Variants in RORB observed in about 807,000 individuals in gnomAD.
RORB encodes RAR related orphan receptor B.
Under a neutral mutation model 59.1 loss-of-function variants are expected in RORB, and 6 were observed. The ratio of observed to expected loss-of-function variants is 0.10; its 90% CI spans 0.06 to 0.20. RORB has a LOEUF of 0.20. Among genes scored for constraint, RORB ranks in the 10% least tolerant of loss-of-function variants. The probability of loss-of-function intolerance (pLI) is 1.00; values close to 1 mark genes in which losing one functional copy is unlikely to be tolerated. For synonymous variants in RORB, 215 were observed against 204.5 expected, an observed-to-expected ratio of 1.05 and a Z score of -0.44; for missense variants, 320 against 560.5, an observed-to-expected ratio of 0.57 and a Z score of 4.33.
At chr9:74,530,898 G>GGT (rs1398034334) in intron 1 of RORB, among the ~76,000 whole-genome samples, 1 of 151,096 alleles carries the variant, frequency 6.6e-6, no homozygotes, top group Non-Finnish European at 1.5e-5. Flanking sequence ...GACAGGCCCC[G>GGT]GTGTGTGATG....
intron 1 of RORB, among the ~76,000 whole-genome samples, chr9:74,513,566 G>T (rs1017688876): frequency 6.6e-6 from 1 of 151,914 alleles, no homozygotes; most frequent in African/African-American, 2.4e-5. Context: ...GAAAAAAATG[G>T]TTAAGTCTAA....
Position 74,687,768 on chromosome 9 carries a change from G to A in RORB, c.*2150G>A, listed in dbSNP as rs982994945. ...CTTCTAATGGAAAGATTACTCTACT[G>A]ATTGCTAGGAAAACAGGGTAATGGA... On this transcript the variant is annotated 3_prime_UTR_variant, in exon 10 of 10. Transcript: ENST00000376896. The A allele has an allele frequency of 2.0e-5, 3 of 152,148 alleles. No individual in the cohort carries two copies. The highest frequency in any genetic ancestry group is 2.9e-5 in the Non-Finnish European group (2 of 68,030). The allele number at this position is 152,148 out of a possible 1,614,324, so 9.4% of individuals were successfully genotyped here. A position where few individuals can be genotyped will look rare whatever the true frequency, so the allele number is the denominator to read the frequency against.
chr9:74,642,915 T>C lies in RORB; in HGVS notation c.637+100T>C. On this transcript the variant is annotated intron_variant, in intron 4 of 9. Coordinates refer to ENST00000376896, the MANE Select transcript of RORB (RefSeq NM_006914.4). ...TAATTTTCTTAAGACTTAAATTGAA[T>C]TACTTGGATTCACAGCTTCTACTGA... 5 of 831,348 alleles carry C rather than the reference T, an allele frequency of 6.0e-6. No individual in the cohort carries two copies. In the South Asian group the frequency reaches 1.2e-4, roughly 21 times the overall value. The allele number at this position is 831,348 out of a possible 1,614,324, so 51.5% of individuals were successfully genotyped here. A position where few individuals can be genotyped will look rare whatever the true frequency, so the allele number is the denominator to read the frequency against.
At chr9:74,579,302 T>C (rs1286861239) in intron 1 of RORB, among the ~76,000 whole-genome samples, 1 of 152,134 alleles carries the variant, frequency 6.6e-6, no homozygotes, top group Non-Finnish European at 1.5e-5. Flanking sequence ...ACACAATTAA[T>C]TAATTAAACA....
At chr9:74,668,992 A>T (rs1824309283) in intron 8 of RORB, among the ~76,000 whole-genome samples, 1 of 152,212 alleles carries the variant, frequency 6.6e-6, no homozygotes, top group African/African-American at 2.4e-5. Context: ...GTGACCAAGT[A>T]TCTGTGTGAT....
At chr9:74,521,322 A>G (rs1826082810) in intron 1 of RORB, among the ~76,000 whole-genome samples, 1 of 151,858 alleles carries the variant, frequency 6.6e-6, no homozygotes, top group African/African-American at 2.4e-5. Flanking sequence ...GTGATAAATC[A>G]TGCAAACTCA....
intron 1 of RORB, among the ~76,000 whole-genome samples, chr9:74,561,550 A>T (rs1319595987): frequency 6.6e-6 from 1 of 152,118 alleles, no homozygotes; most frequent in Non-Finnish European, 1.5e-5. Flanking sequence ...TGATAGTTTT[A>T]TTGGGATGAA....
At chr9:74,633,392 T>C (rs1398870825) in intron 2 of RORB, among the ~76,000 whole-genome samples, 1 of 152,164 alleles carries the variant, frequency 6.6e-6, no homozygotes, top group Non-Finnish European at 1.5e-5. Context: ...CTCTGCAAGA[T>C]AGGCATTGAA....
chr9:74,642,930 G>T, intron 4 of RORB, 115 bp downstream of exon 4: 1 of 680,474 alleles, frequency 1.5e-6, no homozygotes, highest in Non-Finnish European at 2.3e-6. Flanking sequence ...TGGATTCACA[G>T]CTTCTACTGA....
chr9:74,551,079 A>G (rs1826600825), intron 1 of RORB, among the ~76,000 whole-genome samples: 1 of 152,240 alleles, frequency 6.6e-6, no homozygotes, highest in South Asian at 2.1e-4. Flanking sequence ...ATTCTATTCC[A>G]TGGAACAGTG....
chr9:74,497,888 T>C lies in RORB; in HGVS notation c.-89T>C. The C allele has an allele frequency of 2.0e-6, 3 of 1,514,346 alleles. No individual in the cohort carries two copies. Among genetic ancestry groups the C allele is most frequent in the Non-Finnish European group, 2.7e-6 (3 of 1,103,886 alleles). 93.8% of individuals were successfully genotyped at this position (1,514,346 alleles called of 1,614,324 possible). A position where few individuals can be genotyped will look rare whatever the true frequency, so the allele number is the denominator to read the frequency against. On this transcript the variant is annotated 5_prime_UTR_variant, in exon 1 of 10. Coordinates refer to ENST00000376896, the MANE Select transcript of RORB (RefSeq NM_006914.4). The stretch of plus-strand genomic sequence containing the variant: ...AGCAGCTCTTCGCCGACCACCTTCT[T>C]CACTCGTGCTGAGCGGGATTTTTGG...
chr9:74,574,218 C>T (rs575908336), intron 1 of RORB, among the ~76,000 whole-genome samples: 37 of 152,228 alleles, frequency 2.4e-4, no homozygotes, highest in African/African-American at 8.9e-4. Context: ...ACTCCCACTA[C>T]CTGATTAGCA....
chr9:74,672,427 A>G (rs1771169503), intron 9 of RORB, among the ~76,000 whole-genome samples: 1 of 152,172 alleles, frequency 6.6e-6, no homozygotes, highest in Non-Finnish European at 1.5e-5. Context: ...TATAAATGAC[A>G]TTCCTACTCA....
chr9:74,615,512 A>G (rs928953876), intron 1 of RORB: 8 of 363,490 alleles, frequency 2.2e-5, no homozygotes, highest in African/African-American at 1.3e-4. Context: ...TTGGGATTGA[A>G]GTTGTGGGTT....
chr9:74,563,892 C>A (rs780980439), intron 1 of RORB, among the ~76,000 whole-genome samples: 16 of 152,156 alleles, frequency 1.1e-4, no homozygotes, highest in Non-Finnish European at 2.2e-4. Context: ...GTGACTATAA[C>A]AAGAAGCCAG....
chr9:74,641,300 A>G (rs994641315), intron 3 of RORB, among the ~76,000 whole-genome samples: 1 of 152,204 alleles, frequency 6.6e-6, no homozygotes, highest in African/African-American at 2.4e-5. Context: ...CTTAAGAAAC[A>G]ACACACTGAA....
At position 74,688,208 on chromosome 9, in the gene RORB, G is replaced by A. The variant is rs186162591; in HGVS notation, c.*2590G>A. ...TTGAAGCTGGGAGGAAGGAAACAGA[G>A]CTAGCATCTGAACCAGAGCAAAACA... On this transcript the variant is annotated 3_prime_UTR_variant, in exon 10 of 10. Coordinates refer to ENST00000376896, the MANE Select transcript of RORB (RefSeq NM_006914.4). 3 of 152,198 alleles carry A rather than the reference G, an allele frequency of 2.0e-5. No individual in the cohort carries two copies. Among genetic ancestry groups the A allele is most frequent in the African/African-American group, 4.8e-5 (2 of 41,446 alleles). 9.4% of individuals were successfully genotyped at this position (152,198 alleles called of 1,614,324 possible).
chr9:74,546,826 T>C (rs888565415), intron 1 of RORB, among the ~76,000 whole-genome samples: 2 of 152,222 alleles, frequency 1.3e-5, no homozygotes, highest in Non-Finnish European at 2.9e-5. Flanking sequence ...TAAAGGACTA[T>C]GTTTTGAGAA....
chr9:74,658,934 A>C (rs191608916), intron 4 of RORB, among the ~76,000 whole-genome samples: 61 of 152,360 alleles, frequency 4.0e-4, no homozygotes, highest in Non-Finnish European at 7.9e-4. Flanking sequence ...AGCTATCATC[A>C]GAAGTTAGCA....
Sources: allele counts gnomAD v4.1 joint callset (sites outside exome capture counted in the v4.1 genomes callset), GRCh38; gene constraint gnomAD v4.1.1; transcripts MANE v1.5; gene names NCBI Gene and HGNC (gene_info 2026-07-23, HGNC 2026-07-21).